The following DMD variants were observed in gnomAD, a reference collection of about 807,000 sequenced individuals.
DMD encodes the protein dystrophin.
In DMD, 63 loss-of-function variants were observed where a neutral mutation model predicts 330.1. The observed-to-expected ratio is 0.19, with a 90% CI of 0.16 to 0.24. The LOEUF (loss-of-function observed/expected upper bound fraction) is 0.24, where lower values mean the gene tolerates loss of function less well. Ranked by LOEUF, DMD falls within the 10% of genes least tolerant of loss-of-function variation. The pLI is 1.00. For missense variants in DMD, 3,344 were observed against 2,684.1 expected (o/e 1.25, Z -5.43); for synonymous variants, 1,223 against 959.8 (o/e 1.27, Z -5.07).
intron 48 of DMD, among the ~76,000 whole-genome samples, chrX:31,845,518 G>A (rs1178012657): frequency 1.9e-5 from 2 of 107,957 alleles, no homozygotes; most frequent in East Asian, 5.9e-4. Context: ...ACCCTGATTT[G>A]ACTCTTTTAA....
chrX:32,062,635 ATACG>A (rs2096234175), intron 44 of DMD, among the ~76,000 whole-genome samples: 7 of 111,270 alleles, frequency 6.3e-5, no homozygotes, highest in Middle Eastern at 4.6e-3. Flanking sequence ...TATATCGGGA[ATACG>A]TTTCTTAAAA....
rs868495048 is a variant in DMD, at chrX:32,725,694, G to A, written c.650-26401C>T. Among the ~76,000 whole-genome samples the A allele has an allele frequency of 4.2e-4, 47 of 111,265 alleles. No homozygotes were observed. The Middle Eastern group carries it at 0.023, about 55-fold the overall frequency. ...GATCTCAACTCAAAGGCTGAGTAGG[G>A]TACTAGGGGGTGGAGGTAAGCTGGG... On this transcript the variant is annotated intron_variant, in intron 7 of 78. Transcript: ENST00000357033.
chrX:32,977,586 T>C (rs2092590258), intron 2 of DMD, among the ~76,000 whole-genome samples: 1 of 111,477 alleles, frequency 9.0e-6, no homozygotes, highest in African/African-American at 3.3e-5. Context: ...GCAGCTTTTC[T>C]GTGTATAATA....
intron 60 of DMD, among the ~76,000 whole-genome samples, chrX:31,391,020 A>G (rs1405020959): frequency 9.0e-6 from 1 of 111,574 alleles, no homozygotes; most frequent in African/African-American, 3.3e-5. Flanking sequence ...GACTGACCTA[A>G]CCTTCAGATT....
chrX:31,941,588 GGTTT>G (rs1270598201), intron 45 of DMD, among the ~76,000 whole-genome samples: 2 of 111,375 alleles, frequency 1.8e-5, no homozygotes, highest in Non-Finnish European at 3.8e-5. Flanking sequence ...TATACGTACA[GGTTT>G]GTTACCTGAG....
chrX:32,310,267 G>T lies in DMD; in HGVS notation c.5932C>A (p.Arg1978Ser). The T allele has an allele frequency of 1.7e-6, 2 of 1,207,298 alleles. No homozygotes were observed. The highest frequency in any genetic ancestry group is 2.2e-6 in the Non-Finnish European group (2 of 892,487). The change falls in exon 42 of 79, where the codon CGT becomes AGT. Residue 1978 changes from arginine to serine, a missense_variant. Physicochemically the swap from Arg to Ser is moderately radical, Grantham distance 110 (BLOSUM62 -1). Coordinates refer to ENST00000357033, the MANE Select transcript of DMD (RefSeq NM_004006.3). ...GTCATCACCATCATCGTTTCTTCAC[G>T]GACAGTGTGCTGGTATAGATATACA... ...RLNFAQIHTV[R>S]EETMMVMTED...
At chrX:32,176,952 GA>G (rs780503312) in intron 44 of DMD, among the ~76,000 whole-genome samples, 19 of 111,121 alleles carry the variant, frequency 1.7e-4, no homozygotes, top group Admixed American at 2.9e-4. Flanking sequence ...CGTACTTACT[GA>G]TCACTTATTA....
At chrX:32,951,726 A>C (rs753143292) in intron 2 of DMD, among the ~76,000 whole-genome samples, 7 of 111,825 alleles carry the variant, frequency 6.3e-5, no homozygotes, top group Non-Finnish European at 1.3e-4. Context: ...CAATGATCTG[A>C]GGTACCTGAA....
At chrX:32,094,373 A>G (rs1302112495) in intron 44 of DMD, among the ~76,000 whole-genome samples, 2 of 112,270 alleles carry the variant, frequency 1.8e-5, no homozygotes, top group East Asian at 2.8e-4. Context: ...CTATGTAACA[A>G]TATTGCATAA....
intron 9 of DMD, among the ~76,000 whole-genome samples, chrX:32,650,051 G>A (rs992097403): frequency 9.0e-6 from 1 of 110,991 alleles, no homozygotes; most frequent in Admixed American, 9.6e-5. Context: ...GTGTGTTTCT[G>A]GAAGCATGAT....
At chrX:31,133,430 C>T (rs2034779331) in intron 77 of DMD, among the ~76,000 whole-genome samples, 1 of 111,913 alleles carries the variant, frequency 8.9e-6, no homozygotes, top group South Asian at 3.8e-4. Context: ...ATCTGAAGCT[C>T]ATGCAAGCCA....
intron 13 of DMD, among the ~76,000 whole-genome samples, chrX:32,593,748 C>G (rs2055200708): frequency 8.9e-6 from 1 of 112,301 alleles, no homozygotes; most frequent in African/African-American, 3.2e-5. Flanking sequence ...GTAATGACCT[C>G]TAAAACTGAA....
chrX:31,938,044 G>C (rs1334274529), intron 45 of DMD, among the ~76,000 whole-genome samples: 1 of 111,134 alleles, frequency 9.0e-6, no homozygotes, highest in Non-Finnish European at 1.9e-5. Flanking sequence ...GAAAGGAAGC[G>C]CTACTCATGT....
intron 55 of DMD, chrX:31,508,100 G>A (rs2071129106): frequency 1.8e-6 from 1 of 568,880 alleles, no homozygotes; most frequent in African/African-American, 2.3e-5. Context: ...AGGCTTGACA[G>A]GTGGAAAGTA....
At chrX:32,054,131 G>GAC (rs1569537447) in intron 44 of DMD, among the ~76,000 whole-genome samples, 2 of 100,180 alleles carry the variant, frequency 2.0e-5, no homozygotes, top group African/African-American at 7.5e-5. Context: ...GAGAGAGAGA[G>GAC]AGAGAAGAGG....
At chrX:32,691,003 T>A (rs1420073911) in intron 9 of DMD, among the ~76,000 whole-genome samples, 1 of 111,359 alleles carries the variant, frequency 9.0e-6, no homozygotes, top group South Asian at 3.7e-4. Flanking sequence ...AAAAATCTTC[T>A]GTTTAGAAAA....
intron 1 of DMD, among the ~76,000 whole-genome samples, chrX:33,038,682 G>C (rs1355868182): frequency 8.9e-6 from 1 of 112,140 alleles, no homozygotes; most frequent in East Asian, 2.8e-4. Context: ...TGACTGAAAA[G>C]TTTTGTAAAA....
At chrX:31,561,433 G>A (rs1873285604) in intron 55 of DMD, among the ~76,000 whole-genome samples, 1 of 111,850 alleles carries the variant, frequency 8.9e-6, no homozygotes, top group Admixed American at 9.5e-5. Context: ...CCTGGCTGGA[G>A]TGAAAATCTG....
intron 64 of DMD, among the ~76,000 whole-genome samples, chrX:31,220,493 G>A (rs1334871355): frequency 2.7e-5 from 3 of 111,397 alleles, no homozygotes; most frequent in African/African-American, 9.8e-5. Flanking sequence ...TCTTCCCATG[G>A]AGCATGTGGC....
Sources: allele counts gnomAD v4.1 joint callset (sites outside exome capture counted in the v4.1 genomes callset), GRCh38; gene constraint gnomAD v4.1.1; transcripts MANE v1.5; gene names NCBI Gene and HGNC (gene_info 2026-07-23, HGNC 2026-07-21).